The following TEX14 variants were observed in gnomAD, a reference collection of about 807,000 sequenced individuals.
The protein encoded by TEX14 is testis expressed 14, intercellular bridge forming factor.
In TEX14, 168 loss-of-function variants were observed where a neutral mutation model predicts 178.6. The ratio of observed to expected loss-of-function variants is 0.94; its 90% CI spans 0.83 to 1.07. The LOEUF (loss-of-function observed/expected upper bound fraction) is 1.07, where lower values mean the gene tolerates loss of function less well. TEX14 is among the 50% of genes least tolerant of loss of function. The probability of loss-of-function intolerance (pLI) is 0.00; values close to 1 mark genes in which losing one functional copy is unlikely to be tolerated. For synonymous variants in TEX14, 626 were observed against 634.1 expected (o/e 0.99, Z 0.19); for missense variants, 1,730 against 1,753.6 (o/e 0.99, Z 0.24).
At position 58,659,303 on chromosome 17, in the gene TEX14, C is replaced by G. The variant is rs918930098; in HGVS notation, c.-1-7301G>C. On this transcript the variant is annotated intron_variant, in intron 1 of 31. Transcript: ENST00000349033. The stretch of plus-strand genomic sequence containing the variant: ...CAGCGTCTCTCCCCCGCCACAAAGA[C>G]ATTATTTACTTAATATTGCTAATAC... 4.1e-6 allele frequency: 4 copies of G among 972,694 alleles called. No individual in the cohort carries two copies. The Admixed American group carries it at 2.5e-4, about 60-fold the overall frequency. The allele number at this position is 972,694 out of a possible 1,614,324, so 60.3% of individuals were successfully genotyped here.
chr17:58,598,315 CAAAAAAAAA>C lies in TEX14; in HGVS notation c.2469+552_2469+560del, dbSNP rs528645875. 4.2e-3 allele frequency among the ~76,000 whole-genome samples: 356 copies of C among 84,102 alleles called. 3 individuals carry two copies. Among genetic ancestry groups the C allele is most frequent in the African/African-American group, 0.015 (336 of 22,936 alleles). The allele number at this position is 84,102 out of a possible 152,430, so 55.2% of individuals were successfully genotyped here. A position where few individuals can be genotyped will look rare whatever the true frequency, so the allele number is the denominator to read the frequency against. On this transcript the variant is annotated intron_variant, in intron 14 of 31. Coordinates refer to ENST00000349033, the MANE Select transcript of TEX14 (RefSeq NM_031272.5). ...GGCAACAGGAACAAAACTCTGTCTC[CAAAAAAAAA>C]AAAAAAAGAAAAAACCCAGAGTCTA... is the stretch of plus-strand genomic sequence containing the variant.
intron 1 of TEX14, among the ~76,000 whole-genome samples, chr17:58,659,797 A>T (rs1048273765): frequency 1.3e-5 from 2 of 151,990 alleles, no homozygotes; most frequent in African/African-American, 4.8e-5. Context: ...CCCAGGTTCA[A>T]GCAATTCTTC....
intron 2 of TEX14, among the ~76,000 whole-genome samples, chr17:58,633,230 T>C (rs146924791): frequency 1.2e-4 from 18 of 152,336 alleles, no homozygotes; most frequent in East Asian, 1.9e-4. Flanking sequence ...CAAATGTCAT[T>C]GTCTCAGGAA....
At chr17:58,677,205 T>A (rs1420825154) in intron 1 of TEX14, among the ~76,000 whole-genome samples, 1 of 151,338 alleles carries the variant, frequency 6.6e-6, no homozygotes, top group Non-Finnish European at 1.5e-5. Context: ...AAGGACTGAG[T>A]CCAGGAGGTC....
intron 1 of TEX14, among the ~76,000 whole-genome samples, chr17:58,655,370 G>C (rs1239938558): frequency 6.6e-6 from 1 of 151,908 alleles, no homozygotes; most frequent in Non-Finnish European, 1.5e-5. Context: ...TTTTAGTAAA[G>C]ATGGGTTCTC....
intron 16 of TEX14, 53 bp downstream of exon 16, chr17:58,587,843 A>ACCCACC: frequency 8.9e-7 from 1 of 1,118,858 alleles, no homozygotes; most frequent in Non-Finnish European, 1.4e-6. Context: ...GGGTGCCAGA[A>ACCCACC]CCCACCCCCA....
At chr17:58,691,735 A>G (rs1182018245) in intron 1 of TEX14, among the ~76,000 whole-genome samples, 1 of 150,928 alleles carries the variant, frequency 6.6e-6, no homozygotes, top group Non-Finnish European at 1.5e-5. Context: ...AGTTACACTC[A>G]CCTAGGCAAG....
intron 2 of TEX14, among the ~76,000 whole-genome samples, chr17:58,646,597 C>T (rs1193919336): frequency 6.6e-6 from 1 of 152,156 alleles, no homozygotes; most frequent in Non-Finnish European, 1.5e-5. Context: ...CTGCAAGTAG[C>T]TAGGACTACA....
chr17:58,665,833 G>A (rs557363214), intron 1 of TEX14, among the ~76,000 whole-genome samples: 1 of 152,126 alleles, frequency 6.6e-6, no homozygotes, highest in South Asian at 2.1e-4. Context: ...ATCACATGAG[G>A]TCAGGAGTTC....
chr17:58,568,181 C>A (rs974566220), intron 26 of TEX14, among the ~76,000 whole-genome samples: 1 of 152,184 alleles, frequency 6.6e-6, no homozygotes, highest in African/African-American at 2.4e-5. Context: ...CCTGACCCAA[C>A]AACCCTGTGA....
At chr17:58,577,858 A>T (rs746265914) in intron 20 of TEX14, among the ~76,000 whole-genome samples, 1 of 152,184 alleles carries the variant, frequency 6.6e-6, no homozygotes, top group Non-Finnish European at 1.5e-5. Flanking sequence ...CCGAACTCTA[A>T]CTATGCCACT....
At chr17:58,625,094 TATA>T (rs1356728758) in intron 3 of TEX14, among the ~76,000 whole-genome samples, 1 of 152,030 alleles carries the variant, frequency 6.6e-6, no homozygotes, top group Non-Finnish European at 1.5e-5. Flanking sequence ...AACAGCTTTG[TATA>T]ATGTCTTACC....
chr17:58,558,894 G>C (rs1459339763), intron 30 of TEX14, among the ~76,000 whole-genome samples: 1 of 152,148 alleles, frequency 6.6e-6, no homozygotes. Context: ...CATCGGCCGG[G>C]TACAGTGGCT....
intron 10 of TEX14, among the ~76,000 whole-genome samples, chr17:58,606,980 G>C (rs972072487): frequency 2.2e-5 from 3 of 134,750 alleles, no homozygotes; most frequent in Non-Finnish European, 4.6e-5. Flanking sequence ...AGCCGAGATC[G>C]CACCACTGCA....
At chr17:58,618,815 TGAG>T (rs2045933563) in intron 5 of TEX14, among the ~76,000 whole-genome samples, 4 of 152,358 alleles carry the variant, frequency 2.6e-5, no homozygotes, top group Admixed American at 2.0e-4. Flanking sequence ...GCTATGCTAT[TGAG>T]GAGAAGACTC....
At chr17:58,564,650 T>C (rs1422768552) in intron 28 of TEX14, among the ~76,000 whole-genome samples, 1 of 152,218 alleles carries the variant, frequency 6.6e-6, no homozygotes, top group Non-Finnish European at 1.5e-5. Context: ...ATGGTTAAGA[T>C]GGTAAATTTT....
chr17:58,601,913 C>G lies in TEX14; in HGVS notation c.1571G>C (p.Arg524Thr). The change falls in exon 13 of 32, where the codon AGA becomes ACA. Residue 524 changes from arginine to threonine, a missense_variant. Arg to Thr is a moderately conservative substitution (Grantham distance 71). This residue lies in a region of TEX14 where 789 missense variants were observed against 681.2 expected (regional missense o/e 1.16). Coordinates refer to ENST00000349033, the MANE Select transcript of TEX14 (RefSeq NM_031272.5). ...AQRTQPTESP[R>T]VQRYGLHPDV... ...GGGATGGAGTCCGTATCTCTGCACT[C>G]TGGGGCTCTCGGTTGGTTGAGTTCT... The G allele has an allele frequency of 1.1e-5, 17 of 1,613,412 alleles. No homozygotes were observed. The highest frequency in any genetic ancestry group is 1.4e-5 in the Non-Finnish European group (17 of 1,180,026).
intron 1 of TEX14, among the ~76,000 whole-genome samples, chr17:58,691,618 C>T (rs1347085680): frequency 1.0e-4 from 14 of 140,576 alleles, no homozygotes; most frequent in Non-Finnish European, 2.1e-4. Context: ...AGTGAGCCGA[C>T]ATCGTGCCAC....
rs1016873863 is a variant in TEX14 at position 58,581,815 on chromosome 17, G to A, written c.3172-2084C>T. 203 of 1,476,300 alleles carry A rather than the reference G, an allele frequency of 1.4e-4. 1 individual carries two copies. The highest frequency in any genetic ancestry group is 1.7e-4 in the Non-Finnish European group (189 of 1,086,390). The allele number at this position is 1,476,300 out of a possible 1,614,324, so 91.5% of individuals were successfully genotyped here. A position where few individuals can be genotyped will look rare whatever the true frequency, so the allele number is the denominator to read the frequency against. ...TAGTTGGATGCAGTGTTAACAACGG[G>A]GTTATCTAACACTACCCAGCAGTCA... On this transcript the variant is annotated intron_variant, in intron 19 of 31. Coordinates refer to ENST00000349033, the MANE Select transcript of TEX14 (RefSeq NM_031272.5).
Sources: gnomAD v4.1 joint callset for allele counts (sites outside exome capture counted in the v4.1 genomes callset) on GRCh38, gnomAD v4.1.1 for gene constraint, gnomAD v4.1.1 regional missense constraint, MANE v1.5 for transcripts, NCBI Gene and HGNC (gene_info 2026-07-23, HGNC 2026-07-21) for gene names.